TRNT1: variants seen among roughly 807,000 people sequenced by gnomAD.
TRNT1 encodes the protein tRNA nucleotidyl transferase 1.
Under a neutral mutation model 45.6 loss-of-function variants are expected in TRNT1, and 44 were observed. The observed-to-expected ratio is 0.97, with a 90% CI of 0.76 to 1.24. The LOEUF (loss-of-function observed/expected upper bound fraction) is 1.24, where lower values mean the gene tolerates loss of function less well. TRNT1 is among the 50% of genes most tolerant of loss of function. The probability of loss-of-function intolerance (pLI) is 0.00; values close to 1 mark genes in which losing one functional copy is unlikely to be tolerated. For synonymous variants in TRNT1, 201 were observed against 171.4 expected, an observed-to-expected ratio of 1.17 and a Z score of -1.35; for missense variants, 633 against 504.4, an observed-to-expected ratio of 1.25 and a Z score of -2.44.
At chr3:3,152,571 G>A, downstream of TRNT1, 2 of 1,614,022 alleles carry the variant, frequency 1.2e-6, no homozygotes, top group Non-Finnish European at 1.7e-6. Context: ...GCTGCCATCG[G>A]CCCACATAAG....
At chr3:3,150,518 ATTTT>A (rs11320492), downstream of TRNT1, 2 of 186,010 alleles carry the variant, frequency 1.1e-5, no homozygotes, top group Non-Finnish European at 2.2e-5. Flanking sequence ...GGAATTTAAG[ATTTT>A]TTTTTTTTTT....
intron 2 of TRNT1, among the ~76,000 whole-genome samples, chr3:3,132,743 A>AAAAAAAAAAAAAAAAAAT (rs1705091555): frequency 1.6e-5 from 2 of 127,626 alleles, no homozygotes; most frequent in Non-Finnish European, 1.6e-5. Flanking sequence ...AAAAAAAAAA[A>AAAAAAAAAAAAAAAAAAT]ACACAAAAAA....
chr3:3,136,738 T>G (rs756850091), intron 2 of TRNT1: 7 of 401,676 alleles, frequency 1.7e-5, no homozygotes, highest in Non-Finnish European at 2.4e-5. Context: ...CACCGCAGCC[T>G]TGAACTCCTG....
At chr3:3,151,098 C>G, downstream of TRNT1, 6 of 1,581,298 alleles carry the variant, frequency 3.8e-6, no homozygotes, top group Non-Finnish European at 5.2e-6. Flanking sequence ...TACTCCAAGC[C>G]TATCATATAA....
At chr3:3,146,282 G>T in intron 5 of TRNT1, 148 bp from the exon 6 acceptor site, 1 of 452,008 alleles carries the variant, frequency 2.2e-6, no homozygotes, top group Non-Finnish European at 3.8e-6. Flanking sequence ...ATGACCAGTT[G>T]CTTTCTAAGG....
intron 7 of TRNT1, 41 bp from the exon 8 acceptor site, chr3:3,147,865 T>C (rs1413832634): frequency 6.3e-7 from 1 of 1,583,866 alleles, no homozygotes; most frequent in East Asian, 2.2e-5. Flanking sequence ...AGTGTATGTT[T>C]TCATGTGTGA....
chr3:3,146,642 GTGTT>G lies in TRNT1; in HGVS notation c.802+22_802+25del, dbSNP rs758901089. ...TATATAGGTGAGAGCAAGTTATAAAGTGTTTGAATTTTTGGCAGTGAAATATCTG... is the reference window on the plus strand; with the variant it reads ...TATATAGGTGAGAGCAAGTTATAAAGTGAATTTTTGGCAGTGAAATATCTG... On this transcript the variant is annotated intron_variant, in intron 6 of 7. Coordinates refer to ENST00000251607, the MANE Select transcript of TRNT1 (RefSeq NM_182916.3). The G allele has an allele frequency of 1.3e-6, 2 of 1,520,122 alleles. No homozygotes were observed. The highest frequency in any genetic ancestry group is 2.6e-5 in the South Asian group (2 of 78,110). 94.2% of individuals were successfully genotyped at this position (1,520,122 alleles called of 1,614,324 possible). A position where few individuals can be genotyped will look rare whatever the true frequency, so the allele number is the denominator to read the frequency against.
downstream of TRNT1, chr3:3,149,176 A>G (rs1257462130): frequency 6.6e-6 from 1 of 152,134 alleles, no homozygotes; most frequent in Non-Finnish European, 1.5e-5. Context: ...TAATATTTCT[A>G]AGAGGAAATG....
chr3:3,144,561 C>G (rs765046482), intron 4 of TRNT1, 23 bp from the exon 5 acceptor site: 1 of 1,563,268 alleles, frequency 6.4e-7, no homozygotes, highest in Non-Finnish European at 8.7e-7. Flanking sequence ...AGTGATTTTT[C>G]TCCCTCCTTT....
intron 2 of TRNT1, among the ~76,000 whole-genome samples, chr3:3,136,211 C>A (rs1705317325): frequency 6.6e-6 from 1 of 152,082 alleles, no homozygotes; most frequent in South Asian, 2.1e-4. Context: ...ACAGAATGGG[C>A]TTGTCTGATA....
rs537874160 is a variant in TRNT1 at position 3,129,862 on chromosome 3, T to TA, written c.148+675dup. The TA allele has an allele frequency of 1.3e-4, 195 of 1,550,508 alleles. 1 individual carries two copies. In the East Asian group the frequency reaches 3.8e-3, roughly 30 times the overall value. On this transcript the variant is annotated intron_variant, in intron 2 of 7. Transcript: ENST00000251607. Reference sequence around the variant, plus strand: ...TAACTAGAGAGCTAGGTTTCGAACTTACGCAGATTGATTTCAGAGCCCAGC... The same window carrying TA: ...TAACTAGAGAGCTAGGTTTCGAACTTAACGCAGATTGATTTCAGAGCCCAGC...
chr3:3,148,970 T>TAAAGAAAGATTTATTCTCTAAAG lies in TRNT1; in HGVS notation c.*821_*822insAAGATTTATTCTCTAAAGAAAGA, dbSNP rs1553556579. 3.3e-5 allele frequency: 5 copies of TAAAGAAAGATTTATTCTCTAAAG among 151,736 alleles called. No homozygotes were observed. The highest frequency in any genetic ancestry group is 2.1e-4 in the South Asian group (1 of 4,824). 9.4% of individuals were successfully genotyped at this position (151,736 alleles called of 1,614,324 possible). On this transcript the variant is annotated 3_prime_UTR_variant, in exon 8 of 8. Coordinates refer to ENST00000251607, the MANE Select transcript of TRNT1 (RefSeq NM_182916.3). ...GATATGGCTATTATTATATATTCTC[T>TAAAGAAAGATTTATTCTCTAAAG]AAAGATTTGAGTCCTAAATGCTTTC...
chr3:3,149,552 T>C (rs1706330217), downstream of TRNT1: 2 of 151,802 alleles, frequency 1.3e-5, no homozygotes, highest in African/African-American at 4.8e-5. Flanking sequence ...AGAGAGGTAC[T>C]ATGCTACTGA....
Position 3,140,597 on chromosome 3 carries a change from T to G in TRNT1, c.430T>G (p.Trp144Gly), listed in dbSNP as rs1185850842. The G allele has an allele frequency of 6.2e-7, 1 of 1,614,200 alleles. No individual in the cohort carries two copies. The highest frequency in any genetic ancestry group is 1.1e-5 in the South Asian group (1 of 91,086). ...TGCTGAGGTAGAATTTACAACTGAC[T>G]GGCAGAAAGATGCGGAACGCAGAGA... ...RHAEVEFTTD[W>G]QKDAERRDLT... Residue 144 changes from tryptophan (W) to glycine (G), a missense_variant, in exon 4 of 8, where the codon TGG (tryptophan) becomes GGG (glycine). Trp to Gly is a radical substitution (Grantham distance 184, BLOSUM62 -2). Coordinates refer to ENST00000251607, the MANE Select transcript of TRNT1 (RefSeq NM_182916.3).
chr3:3,152,421 AAG>A, downstream of TRNT1: 1 of 1,586,734 alleles, frequency 6.3e-7, no homozygotes, highest in Non-Finnish European at 8.5e-7. Context: ...AAGGTAAAAA[AAG>A]AAAAAAAAAA....
rs1706261805 is a variant in TRNT1, at chr3:3,148,953, T to C, written c.*799T>C. The C allele has an allele frequency of 9.0e-6, 1 of 110,804 alleles. No individual in the cohort carries two copies. The allele number at this position is 110,804 out of a possible 1,614,324, so 6.9% of individuals were successfully genotyped here. ...ATTTTATTAATTAAAAGGATATGGC[T>C]ATTATTATATATTCTCTAAAGATTT... On this transcript the variant is annotated 3_prime_UTR_variant, in exon 8 of 8. Transcript: ENST00000251607.
downstream of TRNT1, chr3:3,150,165 T>C (rs951725366): frequency 1.3e-5 from 2 of 152,170 alleles, no homozygotes; most frequent in African/African-American, 2.4e-5. Flanking sequence ...TTTTGAAAAA[T>C]AGCTTTTGTA....
Position 3,140,624 on chromosome 3 carries a change from C to A in TRNT1, c.457C>A (p.Leu153Ile). ...DWQKDAERRD[L>I]TINSMFLGFD... ...GCAGAAAGATGCGGAACGCAGAGAT[C>A]TCACTATAAATTCTATGTTTTTAGG... Residue 153 changes from leucine (L) to isoleucine (I), a missense_variant, in exon 4 of 8, where the codon CTC becomes ATC. Coordinates refer to ENST00000251607, the MANE Select transcript of TRNT1 (RefSeq NM_182916.3). The A allele has an allele frequency of 1.2e-6, 2 of 1,614,070 alleles. No homozygotes were observed. Among genetic ancestry groups the A allele is most frequent in the Non-Finnish European group, 1.7e-6 (2 of 1,179,982 alleles).
chr3:3,150,680 T>G, downstream of TRNT1: 6 of 594,410 alleles, frequency 1.0e-5, no homozygotes, highest in South Asian at 1.2e-4. Flanking sequence ...CATGCTTGTT[T>G]CCTAAAGTAT....
Sources: gnomAD v4.1 joint callset for allele counts (sites outside exome capture counted in the v4.1 genomes callset) on GRCh38, gnomAD v4.1.1 for gene constraint, MANE v1.5 for transcripts, NCBI Gene and HGNC (gene_info 2026-07-23, HGNC 2026-07-21) for gene names.